The following CCDC69 variants were observed in gnomAD, a reference collection of about 807,000 sequenced individuals.
The protein encoded by CCDC69 is coiled-coil domain containing 69, also known as coiled-coil domain-containing protein 69.
In CCDC69, 38 loss-of-function variants were observed where a neutral mutation model predicts 40.3. That is an observed-to-expected ratio of 0.94 (90% CI 0.73 to 1.24). The LOEUF is 1.24. Ranked by LOEUF, CCDC69 falls within the 50% of genes most tolerant of loss-of-function variation. The pLI is 0.00. For missense variants in CCDC69, 389 were observed against 357.9 expected (o/e 1.09, Z -0.70); for synonymous variants, 141 against 138.9 (o/e 1.02, Z -0.11).
chr5:151,220,288 T>A (rs1337614007), intron 1 of CCDC69, among the ~76,000 whole-genome samples: 1 of 152,186 alleles, frequency 6.6e-6, no homozygotes, highest in East Asian at 1.9e-4. Context: ...CAGTCTTTCA[T>A]CTAATCTTTA....
At position 151,201,593 on chromosome 5, in the gene CCDC69, A is replaced by T. The variant is rs776329414; in HGVS notation, c.220T>A (p.Trp74Arg). 1 of 1,612,498 alleles carries T rather than the reference A, an allele frequency of 6.2e-7. No individual in the cohort carries two copies. Among genetic ancestry groups the T allele is most frequent in the Non-Finnish European group, 8.5e-7 (1 of 1,178,904 alleles). ...GCACCTGGACTTACCTGTTGTGCCCATTTCTTCTTTTCCTCCTCATGTTGC... is the reference window on the plus strand; with the variant it reads ...GCACCTGGACTTACCTGTTGTGCCCTTTTCTTCTTTTCCTCCTCATGTTGC... ...LQQHEEEKKK[W>R]AQQVEKEREL... The change falls in exon 3 of 9, where the codon TGG (tryptophan) becomes AGG (arginine). Residue 74 changes from tryptophan to arginine, a missense_variant. By Grantham distance (101) the Trp-to-Arg change is moderately radical (BLOSUM62 -3). Transcript: ENST00000355417.
In CCDC69 at chr5:151,183,429, C is replaced by G. The variant is rs749784166; in HGVS notation, c.*8G>C. The stretch of plus-strand genomic sequence containing the variant: ...TTCAGGCGTCGTGGTGGGCCCAGGC[C>G]CTGCACCCTATGTGGCGAGGAAAGA... On this transcript the variant is annotated 3_prime_UTR_variant, in exon 9 of 9. Coordinates refer to ENST00000355417, the MANE Select transcript of CCDC69 (RefSeq NM_015621.3). 3 of 1,597,640 alleles carry G rather than the reference C, an allele frequency of 1.9e-6. No homozygotes were observed. The East Asian group carries it at 6.8e-5, about 36-fold the overall frequency.
At chr5:151,214,630 G>A (rs1219455538) in intron 1 of CCDC69, among the ~76,000 whole-genome samples, 1 of 152,142 alleles carries the variant, frequency 6.6e-6, no homozygotes, top group Non-Finnish European at 1.5e-5. Flanking sequence ...ACAGTCCAAT[G>A]TGATTGTACA....
At chr5:151,184,545 T>A (rs557413117) in intron 7 of CCDC69, 104 bp from the exon 8 acceptor site, 9 of 703,212 alleles carry the variant, frequency 1.3e-5, no homozygotes, top group African/African-American at 1.8e-5. Context: ...TGATTCATTC[T>A]AGACTAGATG....
Position 151,185,321 on chromosome 5 carries a change from G to C in CCDC69, c.615+101C>G. 3.7e-6 allele frequency: 5 copies of C among 1,347,998 alleles called. 1 individual carries two copies. The highest frequency in any genetic ancestry group is 5.2e-6 in the Non-Finnish European group (5 of 967,888). The allele number at this position is 1,347,998 out of a possible 1,614,324, so 83.5% of individuals were successfully genotyped here. On this transcript the variant is annotated intron_variant, in intron 7 of 8. Coordinates refer to ENST00000355417, the MANE Select transcript of CCDC69 (RefSeq NM_015621.3). Reference sequence around the variant, plus strand: ...GGTCAAAGCTGGAGTGAACTAGGCTGGGACCTCCTCAAACCACCTCCCCTC... The same window carrying C: ...GGTCAAAGCTGGAGTGAACTAGGCTCGGACCTCCTCAAACCACCTCCCCTC...
intron 4 of CCDC69, among the ~76,000 whole-genome samples, chr5:151,190,754 C>T (rs1275818052): frequency 7.3e-6 from 1 of 137,792 alleles, no homozygotes; most frequent in African/African-American, 2.7e-5. Context: ...TACAGAGATA[C>T]AGTAAGAAAG....
At chr5:151,203,750 T>G (rs1752810697) in intron 2 of CCDC69, among the ~76,000 whole-genome samples, 1 of 138,128 alleles carries the variant, frequency 7.2e-6, no homozygotes, top group African/African-American at 2.7e-5. Context: ...TAATATATAC[T>G]AATAAAATCT....
intron 3 of CCDC69, among the ~76,000 whole-genome samples, chr5:151,200,526 G>T (rs758206815): frequency 2.6e-5 from 4 of 152,192 alleles, no homozygotes; most frequent in Non-Finnish European, 5.9e-5. Flanking sequence ...AAAATTTAGA[G>T]AAAACTTGTG....
At chr5:151,196,116 C>T (rs1752695804) in intron 4 of CCDC69, among the ~76,000 whole-genome samples, 1 of 152,152 alleles carries the variant, frequency 6.6e-6, no homozygotes, top group African/African-American at 2.4e-5. Context: ...AGGATATACA[C>T]TTTTACGTAC....
At position 151,183,195 on chromosome 5, in the gene CCDC69, T is replaced by C. The variant is rs1179601405; in HGVS notation, c.*242A>G. 1.5e-6 allele frequency: 1 copy of C among 663,220 alleles called. No individual in the cohort carries two copies. The highest frequency in any genetic ancestry group is 2.1e-5 in the Admixed American group (1 of 48,614). 41.1% of individuals were successfully genotyped at this position (663,220 alleles called of 1,614,324 possible). On this transcript the variant is annotated 3_prime_UTR_variant, in exon 9 of 9. Transcript: ENST00000355417. ...AGTGCTGGGGCAGGGAGGAAATGTC[T>C]CCTCTTGCTTATTCCCTTGGCCAAC...
At position 151,182,934 on chromosome 5, in the gene CCDC69, G is replaced by C; in HGVS notation, c.*503C>G. ...TGGCCTTCAGACAATCCTAGAATGG[G>C]ACACTGCAGTGACATAAGAGTCCTT... On this transcript the variant is annotated 3_prime_UTR_variant, in exon 9 of 9. Coordinates refer to ENST00000355417, the MANE Select transcript of CCDC69 (RefSeq NM_015621.3). The C allele has an allele frequency of 2.4e-6, 1 of 414,526 alleles. No homozygotes were observed. The highest frequency in any genetic ancestry group is 4.9e-6 in the Non-Finnish European group (1 of 204,292). The allele number at this position is 414,526 out of a possible 1,614,324, so 25.7% of individuals were successfully genotyped here.
Position 151,196,028 on chromosome 5 carries a change from G to A in CCDC69, c.319+2969C>T, listed in dbSNP as rs141971106. Among the ~76,000 whole-genome samples the A allele has an allele frequency of 2.8e-3, 423 of 152,216 alleles. 3 individuals carry two copies. The highest frequency in any genetic ancestry group is 9.8e-3 in the African/African-American group (408 of 41,520). The stretch of plus-strand genomic sequence containing the variant: ...AAATAAGGAAAGCCATGTACTTTAC[G>A]GTCTTGCCTTTATAAACATTTTAGT... On this transcript the variant is annotated intron_variant, in intron 4 of 8. Transcript: ENST00000355417.
chr5:151,218,385 T>G (rs3097796), intron 1 of CCDC69, among the ~76,000 whole-genome samples: 60,854 of 152,070 alleles, frequency 0.4, 13,464 homozygotes, highest in East Asian at 0.87. Flanking sequence ...TGAGGGAGGA[T>G]GATGCAGAGG....
intron 4 of CCDC69, among the ~76,000 whole-genome samples, chr5:151,196,287 A>G (rs1376455363): frequency 6.6e-6 from 1 of 152,092 alleles, no homozygotes; most frequent in African/African-American, 2.4e-5. Flanking sequence ...CAGTATCCTG[A>G]GTAGCTGGGA....
At chr5:151,191,383 T>G (rs1333878750) in intron 4 of CCDC69, among the ~76,000 whole-genome samples, 1 of 152,224 alleles carries the variant, frequency 6.6e-6, no homozygotes, top group Non-Finnish European at 1.5e-5. Context: ...ATCTAATTGA[T>G]TTATATCTAA....
At chr5:151,207,569 G>A (rs1426797352) in intron 1 of CCDC69, among the ~76,000 whole-genome samples, 2 of 152,154 alleles carry the variant, frequency 1.3e-5, no homozygotes, top group Non-Finnish European at 2.9e-5. Flanking sequence ...GGGATTACAG[G>A]CATGAGCCAC....
At chr5:151,194,721 T>C (rs998559178) in intron 4 of CCDC69, among the ~76,000 whole-genome samples, 1 of 151,892 alleles carries the variant, frequency 6.6e-6, no homozygotes, top group African/African-American at 2.4e-5. Flanking sequence ...GGTGAAACAC[T>C]GTCTCTACTA....
intron 4 of CCDC69, among the ~76,000 whole-genome samples, chr5:151,195,452 G>A (rs933196950): frequency 8.5e-5 from 13 of 152,080 alleles, no homozygotes; most frequent in African/African-American, 2.9e-4. Context: ...TGGGCGAGGT[G>A]GCTCACGCCT....
chr5:151,201,507 G>T (rs1752775717), intron 3 of CCDC69, 75 bp downstream of exon 3: 2 of 936,488 alleles, frequency 2.1e-6, no homozygotes, highest in South Asian at 3.0e-5. Flanking sequence ...AAAACCTAAG[G>T]TAGGCACTCA....
Sources: gnomAD v4.1 joint callset for allele counts (sites outside exome capture counted in the v4.1 genomes callset) on GRCh38, gnomAD v4.1.1 for gene constraint, MANE v1.5 for transcripts, NCBI Gene and HGNC (gene_info 2026-07-23, HGNC 2026-07-21) for gene names.